Variants in MLIP observed in about 807,000 individuals in gnomAD.
MLIP encodes the protein muscular LMNA interacting protein, also known as muscular LMNA-interacting protein.
Under a neutral mutation model 84.8 loss-of-function variants are expected in MLIP, and 79 were observed. The observed-to-expected ratio is 0.93, with a 90% CI of 0.78 to 1.12. The LOEUF (loss-of-function observed/expected upper bound fraction) is 1.12, where lower values mean the gene tolerates loss of function less well. Among genes scored for constraint, MLIP ranks in the 50% most tolerant of loss-of-function variants. MLIP has a pLI of 0.00. For synonymous variants in MLIP, 504 were observed against 463.0 expected (o/e 1.09, Z -1.14); for missense variants, 1,257 against 1,160.6 (o/e 1.08, Z -1.21).
intron 12 of MLIP, among the ~76,000 whole-genome samples, chr6:54,244,011 G>T (rs180852350): frequency 3.3e-5 from 5 of 152,114 alleles, no homozygotes; most frequent in Non-Finnish European, 5.9e-5. Flanking sequence ...ACTTTGCAAA[G>T]GTTAGTGGCT....
chr6:54,087,055 T>C (rs13196588), intron 1 of MLIP, among the ~76,000 whole-genome samples: 8,806 of 152,268 alleles, frequency 0.058, 273 homozygotes, highest in South Asian at 0.091. Context: ...GATTTTTTTG[T>C]GTTCAGCTCA....
intron 9 of MLIP, among the ~76,000 whole-genome samples, chr6:54,175,259 A>T (rs1017983768): frequency 6.6e-6 from 1 of 151,584 alleles, no homozygotes; most frequent in Non-Finnish European, 1.5e-5. Flanking sequence ...AAATTTTAGG[A>T]TTGTTTATTC....
At chr6:54,104,146 A>G (rs1395073762) in intron 1 of MLIP, among the ~76,000 whole-genome samples, 1 of 152,120 alleles carries the variant, frequency 6.6e-6, no homozygotes, top group East Asian at 1.9e-4. Context: ...AGCATTCTTC[A>G]TATGTAAATA....
chr6:54,225,445 G>A (rs1015619707), intron 11 of MLIP, among the ~76,000 whole-genome samples: 1 of 152,186 alleles, frequency 6.6e-6, no homozygotes, highest in African/African-American at 2.4e-5. Flanking sequence ...GCAGTTCGTT[G>A]TTGGCTGAAA....
intron 2 of MLIP, among the ~76,000 whole-genome samples, chr6:54,123,236 C>A (rs931203736): frequency 6.6e-6 from 1 of 152,102 alleles, no homozygotes; most frequent in Non-Finnish European, 1.5e-5. Context: ...CGCCCGGCTT[C>A]ATTTATATTC....
At chr6:54,019,751 A>G (rs1413873213) in intron 1 of MLIP, among the ~76,000 whole-genome samples, 1 of 152,206 alleles carries the variant, frequency 6.6e-6, no homozygotes, top group Non-Finnish European at 1.5e-5. Context: ...AACAGGTCAT[A>G]ACTAATGTTA....
chr6:54,200,621 T>G lies in MLIP; in HGVS notation c.2590-1484T>G, dbSNP rs868804382. Among the ~76,000 whole-genome samples the G allele has an allele frequency of 0.023, 531 of 22,932 alleles. 11 individuals carry two copies. In the South Asian group the frequency reaches 0.3, roughly 13 times the overall value. The allele number at this position is 22,932 out of a possible 152,430, so 15.0% of individuals were successfully genotyped here. On this transcript the variant is annotated intron_variant, in intron 10 of 13. Coordinates refer to ENST00000502396, the MANE Select transcript of MLIP (RefSeq NM_001281747.2). ...ACTGCCTGGACGTTTTTTTTTTTTT[T>G]TTTTTTTTTTTTGGCAGCACTTAAT...
intron 11 of MLIP, chr6:54,217,115 G>A (rs1249219053): frequency 1.0e-6 from 1 of 985,278 alleles, no homozygotes; most frequent in Non-Finnish European, 1.2e-6. Flanking sequence ...AAGACAGGAT[G>A]GAGTGAAAGG....
chr6:54,252,502 AAT>A (rs1231303051), intron 12 of MLIP, among the ~76,000 whole-genome samples: 7 of 142,172 alleles, frequency 4.9e-5, no homozygotes, highest in Admixed American at 1.5e-4. Context: ...ATATAAATAT[AAT>A]ATATTATAAC....
rs141751397 is a variant in MLIP, at chr6:54,228,258, G to A, written c.2719-2456G>A. Reference sequence around the variant, plus strand: ...AGGAGATCGAACATAGGAGAGAGAGGCAAATTAAATATCCAGGATTATGCT... The same window carrying A: ...AGGAGATCGAACATAGGAGAGAGAGACAAATTAAATATCCAGGATTATGCT... On this transcript the variant is annotated intron_variant, in intron 11 of 13. Transcript: ENST00000502396. 2.0e-3 allele frequency among the ~76,000 whole-genome samples: 298 copies of A among 148,574 alleles called. 5 individuals carry two copies. The highest frequency in any genetic ancestry group is 7.0e-3 in the African/African-American group (284 of 40,608).
intron 11 of MLIP, chr6:54,215,002 A>T: frequency 2.6e-5 from 15 of 567,432 alleles, no homozygotes; most frequent in South Asian, 4.6e-5. Flanking sequence ...AAAGGAGACG[A>T]TATCCCTCCC....
At chr6:54,073,372 G>C (rs1438240189) in intron 1 of MLIP, among the ~76,000 whole-genome samples, 1 of 152,176 alleles carries the variant, frequency 6.6e-6, no homozygotes, top group Admixed American at 6.5e-5. Flanking sequence ...GAATTAGACT[G>C]AGAATTTTAG....
chr6:54,228,173 A>T (rs1382742443), intron 11 of MLIP, among the ~76,000 whole-genome samples: 1 of 114,434 alleles, frequency 8.7e-6, no homozygotes, highest in Non-Finnish European at 1.8e-5. Flanking sequence ...ACAGAGGGAG[A>T]CTGTCTCAAA....
chr6:54,236,320 G>C (rs1488960736), intron 12 of MLIP, among the ~76,000 whole-genome samples: 2 of 152,170 alleles, frequency 1.3e-5, no homozygotes, highest in Non-Finnish European at 2.9e-5. Context: ...CTTTTTAAAA[G>C]CCAGGTGCGG....
At chr6:54,218,500 G>A (rs575108433) in intron 11 of MLIP, among the ~76,000 whole-genome samples, 261 of 152,136 alleles carry the variant, frequency 1.7e-3, no homozygotes, top group Non-Finnish European at 2.6e-3. Context: ...TAGACTTTAG[G>A]AACACTTAGA....
intron 1 of MLIP, among the ~76,000 whole-genome samples, chr6:54,022,001 C>T (rs1057129741): frequency 6.6e-6 from 1 of 152,130 alleles, no homozygotes; most frequent in Non-Finnish European, 1.5e-5. Context: ...TAGAGAGGTG[C>T]AAGAAAGGAG....
intron 3 of MLIP, among the ~76,000 whole-genome samples, chr6:54,128,940 G>A: frequency 6.6e-6 from 1 of 151,900 alleles, no homozygotes; most frequent in East Asian, 1.9e-4. Flanking sequence ...TTTTTTGGAG[G>A]GGGGGCACAA....
At position 54,160,819 on chromosome 6, in the gene MLIP, A is replaced by G; in HGVS notation, c.2499+20A>G. The G allele has an allele frequency of 6.3e-7, 1 of 1,591,030 alleles. No homozygotes were observed. Among genetic ancestry groups the G allele is most frequent in the Non-Finnish European group, 8.6e-7 (1 of 1,163,754 alleles). On this transcript the variant is annotated intron_variant, in intron 8 of 13. Transcript: ENST00000502396. ...GTCAAAGTATGTATGTATTTAATATAATTTATGGAACCATAAGATTTATTA... is the reference window on the plus strand; with the variant it reads ...GTCAAAGTATGTATGTATTTAATATGATTTATGGAACCATAAGATTTATTA...
intron 11 of MLIP, among the ~76,000 whole-genome samples, chr6:54,229,865 A>G (rs1017272649): frequency 2.6e-5 from 4 of 152,082 alleles, no homozygotes; most frequent in Admixed American, 6.6e-5. Flanking sequence ...TAAGATACAT[A>G]TTTGTATTTG....
Sources: allele counts gnomAD v4.1 joint callset (sites outside exome capture counted in the v4.1 genomes callset), GRCh38; gene constraint gnomAD v4.1.1; transcripts MANE v1.5; gene names NCBI Gene and HGNC (gene_info 2026-07-23, HGNC 2026-07-21).